HOMER1: variants seen among roughly 807,000 people sequenced by gnomAD.
HOMER1 encodes homer protein homolog 1.
A neutral mutation model predicts 48.9 loss-of-function variants in HOMER1; 3 were observed. The ratio of observed to expected loss-of-function variants is 0.06; its 90% CI spans 0.03 to 0.16. The LOEUF is 0.16. Ranked by LOEUF, HOMER1 falls within the 10% of genes least tolerant of loss-of-function variation. The probability of loss-of-function intolerance (pLI) is 1.00; values close to 1 mark genes in which losing one functional copy is unlikely to be tolerated. For missense variants in HOMER1, 247 were observed against 411.4 expected, an observed-to-expected ratio of 0.60 and a Z score of 3.46; for synonymous variants, 134 against 146.4, an observed-to-expected ratio of 0.92 and a Z score of 0.61.
intron 5 of HOMER1, among the ~76,000 whole-genome samples, chr5:79,422,462 G>GA (rs1351805696): frequency 1.3e-5 from 2 of 151,924 alleles, no homozygotes; most frequent in African/African-American, 2.4e-5. Context: ...ACAGGTTAAG[G>GA]AAAGACTGAA....
intron 4 of HOMER1, among the ~76,000 whole-genome samples, chr5:79,443,129 T>C (rs1028361896): frequency 6.6e-6 from 1 of 152,192 alleles, no homozygotes; most frequent in Non-Finnish European, 1.5e-5. Context: ...AACCTGTTTA[T>C]GCCAATTCTA....
At chr5:79,412,829 A>G (rs1214998661) in intron 5 of HOMER1, among the ~76,000 whole-genome samples, 2 of 152,240 alleles carry the variant, frequency 1.3e-5, no homozygotes, top group East Asian at 3.8e-4. Flanking sequence ...GAGATGACAC[A>G]GATGTTGGAA....
chr5:79,420,398 A>G (rs1173318499), intron 5 of HOMER1, among the ~76,000 whole-genome samples: 2 of 151,900 alleles, frequency 1.3e-5, no homozygotes, highest in Non-Finnish European at 2.9e-5. Flanking sequence ...CTCCTTCCCC[A>G]CTTCACAGGC....
At chr5:79,455,074 G>A (rs1751133576) in intron 2 of HOMER1, among the ~76,000 whole-genome samples, 1 of 151,778 alleles carries the variant, frequency 6.6e-6, no homozygotes, top group South Asian at 2.1e-4. Context: ...TGAGTAGCTA[G>A]GACTACAGGC....
chr5:79,389,085 A>G (rs1561344489), intron 8 of HOMER1, among the ~76,000 whole-genome samples: 1 of 152,158 alleles, frequency 6.6e-6, no homozygotes, highest in Non-Finnish European at 1.5e-5. Flanking sequence ...AGGGCACACA[A>G]GCAAAATGAG....
chr5:79,390,727 A>G (rs1227851873), intron 8 of HOMER1, among the ~76,000 whole-genome samples: 6 of 152,194 alleles, frequency 3.9e-5, no homozygotes, highest in African/African-American at 1.4e-4. Context: ...AATTATACAA[A>G]TAAAACACTG....
At chr5:79,435,034 TCATAACTGTTGAAGGCAGGTGA>T (rs1332892282) in intron 5 of HOMER1, among the ~76,000 whole-genome samples, 5 of 152,202 alleles carry the variant, frequency 3.3e-5, no homozygotes, top group Non-Finnish European at 7.4e-5. Context: ...GGCCATTTTT[TCATAACTGTTGAAGGCAGGTGA>T]CATGTTTATA....
chr5:79,411,158 TA>T (rs1349463415), intron 5 of HOMER1, among the ~76,000 whole-genome samples: 1 of 152,182 alleles, frequency 6.6e-6, no homozygotes, highest in Non-Finnish European at 1.5e-5. Flanking sequence ...AAAGGTTCCT[TA>T]AACTGGAATT....
At chr5:79,386,380 AATC>A (rs1749110205) in intron 8 of HOMER1, among the ~76,000 whole-genome samples, 1 of 152,202 alleles carries the variant, frequency 6.6e-6, no homozygotes, top group Non-Finnish European at 1.5e-5. Context: ...ACAAATACTG[AATC>A]TTCTCACTGA....
intron 1 of HOMER1, among the ~76,000 whole-genome samples, chr5:79,509,668 T>C (rs901184462): frequency 1.3e-5 from 2 of 152,256 alleles, no homozygotes; most frequent in Admixed American, 1.3e-4. Context: ...ACATCCAAGA[T>C]ACTTTGACAG....
intron 1 of HOMER1, among the ~76,000 whole-genome samples, chr5:79,457,508 T>C (rs1054332727): frequency 2.0e-5 from 3 of 152,234 alleles, no homozygotes; most frequent in African/African-American, 7.2e-5. Context: ...CCCATAAGCA[T>C]CATGCTGAAG....
At chr5:79,471,551 G>GAAAAAAAAAAAAAAAAA (rs55724615) in intron 1 of HOMER1, among the ~76,000 whole-genome samples, 2 of 97,680 alleles carry the variant, frequency 2.0e-5, no homozygotes, top group Non-Finnish European at 4.2e-5. Flanking sequence ...CCATCTCAAA[G>GAAAAAAAAAAAAAAAAA]AAAAAAAAAA....
chr5:79,427,382 ATTTG>A (rs1417168226), intron 5 of HOMER1, among the ~76,000 whole-genome samples: 1 of 151,278 alleles, frequency 6.6e-6, no homozygotes, highest in African/African-American at 2.4e-5. Flanking sequence ...TTTTTTTTGT[ATTTG>A]TTTGTTTTTT....
chr5:79,506,534 T>C (rs1262778355), intron 1 of HOMER1, among the ~76,000 whole-genome samples: 1 of 152,172 alleles, frequency 6.6e-6, no homozygotes, highest in Non-Finnish European at 1.5e-5. Flanking sequence ...TTTTATAGAC[T>C]ATGGAGAGGC....
chr5:79,463,160 T>C (rs147524366), intron 1 of HOMER1, among the ~76,000 whole-genome samples: 291 of 152,346 alleles, frequency 1.9e-3, no homozygotes, highest in African/African-American at 6.4e-3. Flanking sequence ...TCTTCCTTGC[T>C]GCTCCCCAAC....
intron 5 of HOMER1, among the ~76,000 whole-genome samples, chr5:79,434,261 C>T (rs1448780344): frequency 2.6e-5 from 4 of 151,882 alleles, no homozygotes; most frequent in Non-Finnish European, 2.9e-5. Context: ...TACATTGTGA[C>T]AGCACTGGAA....
chr5:79,412,048 G>A (rs556961411), intron 5 of HOMER1, among the ~76,000 whole-genome samples: 2 of 152,346 alleles, frequency 1.3e-5, no homozygotes, highest in African/African-American at 4.8e-5. Flanking sequence ...GAACCTGGGA[G>A]GTGGAGGTTG....
intron 5 of HOMER1, among the ~76,000 whole-genome samples, chr5:79,403,462 G>A (rs1749583692): frequency 6.6e-6 from 1 of 152,142 alleles, no homozygotes; most frequent in Non-Finnish European, 1.5e-5. Context: ...ACACAAGATT[G>A]TGTCTGTAGT....
chr5:79,427,549 C>G (rs1750291670), intron 5 of HOMER1, among the ~76,000 whole-genome samples: 2 of 152,136 alleles, frequency 1.3e-5, no homozygotes, highest in South Asian at 4.2e-4. Context: ...CTACCACACT[C>G]AGATAATTTT....
Sources: allele counts gnomAD v4.1 joint callset (sites outside exome capture counted in the v4.1 genomes callset), GRCh38; gene constraint gnomAD v4.1.1; transcripts MANE v1.5; gene names NCBI Gene and HGNC (gene_info 2026-07-23, HGNC 2026-07-21).